PDE4D: variants seen among roughly 807,000 people sequenced by gnomAD.
PDE4D encodes the protein phosphodiesterase 4D, also known as 3',5'-cyclic-AMP phosphodiesterase 4D.
In PDE4D, 24 loss-of-function variants were observed where a neutral mutation model predicts 87.4. The observed-to-expected ratio is 0.27, with a 90% CI of 0.20 to 0.39. The LOEUF (loss-of-function observed/expected upper bound fraction) is 0.39, where lower values mean the gene tolerates loss of function less well. Among genes scored for constraint, PDE4D ranks in the 10% least tolerant of loss-of-function variants. PDE4D has a pLI of 1.00. For synonymous variants in PDE4D, 384 were observed against 383.2 expected (o/e 1.00, Z -0.02); for missense variants, 714 against 1,041.0 (o/e 0.69, Z 4.32).
At chr5:59,203,111 A>C (rs1747903559) in intron 2 of PDE4D, among the ~76,000 whole-genome samples, 1 of 152,178 alleles carries the variant, frequency 6.6e-6, no homozygotes, top group South Asian at 2.1e-4. Context: ...TAGGAGGCTG[A>C]GGTAGCAGGA....
At position 60,311,038 on chromosome 5, in the gene PDE4D, G is replaced by T. The variant is rs190677459; in HGVS notation, c.-89-125351C>A. Among the ~76,000 whole-genome samples the T allele has an allele frequency of 4.3e-3, 636 of 146,376 alleles. 4 individuals are homozygous for T. The highest frequency in any genetic ancestry group is 0.025 in the South Asian group (117 of 4,714). ...TAAGTCTTTTTTTTTTTTTTTTGAG[G>T]TGGAGTTTTGCTCTTGTTGCCCAGG... On this transcript the variant is annotated intron_variant, in intron 1 of 16. Transcript: ENST00000502484.
chr5:59,536,999 A>C (rs1815399108), intron 1 of PDE4D, among the ~76,000 whole-genome samples: 2 of 152,234 alleles, frequency 1.3e-5, no homozygotes, highest in Admixed American at 1.3e-4. Context: ...TGAAGTTTAC[A>C]GAAGATTTAA....
At position 59,904,634 on chromosome 5, in the gene PDE4D, G is replaced by T. The variant is rs547323561; in HGVS notation, c.272+83854C>A. ...GTACCACAATTCTCCCTTAAGATCT[G>T]AAGTAAATAAGACTTCAAAGAGGCT... On this transcript the variant is annotated intron_variant, in intron 3 of 16. Transcript: ENST00000502484. Among the ~76,000 whole-genome samples the T allele has an allele frequency of 7.9e-5, 12 of 152,220 alleles. No individual in the cohort carries two copies. In the South Asian group the frequency reaches 2.5e-3, roughly 32 times the overall value.
intron 2 of PDE4D, among the ~76,000 whole-genome samples, chr5:59,994,821 A>G (rs1763370487): frequency 6.6e-6 from 1 of 152,188 alleles, no homozygotes; most frequent in Non-Finnish European, 1.5e-5. Flanking sequence ...TTTTATGTGT[A>G]TATCTCTAAA....
chr5:60,505,976 C>T (rs968177457), intron 1 of PDE4D, among the ~76,000 whole-genome samples: 1 of 152,240 alleles, frequency 6.6e-6, no homozygotes, highest in Non-Finnish European at 1.5e-5. Flanking sequence ...ACAGCCAACA[C>T]AATTTGCATC....
chr5:60,497,335 G>A (rs533681583), intron 1 of PDE4D, among the ~76,000 whole-genome samples: 9 of 152,092 alleles, frequency 5.9e-5, no homozygotes, highest in African/African-American at 2.2e-4. Context: ...TAATTGGGGG[G>A]TTAGGTGTTA....
At chr5:59,995,321 CTTT>C (rs70975357) in intron 2 of PDE4D, among the ~76,000 whole-genome samples, 3 of 140,178 alleles carry the variant, frequency 2.1e-5, no homozygotes, top group East Asian at 2.1e-4. Context: ...TTCTTTCTTT[CTTT>C]TTTTTTTTTT....
intron 2 of PDE4D, among the ~76,000 whole-genome samples, chr5:59,211,062 T>C (rs554673538): frequency 1.3e-5 from 2 of 152,328 alleles, no homozygotes; most frequent in South Asian, 4.1e-4. Context: ...ATTTACGCTG[T>C]AATTTTCTTC....
At chr5:59,930,869 T>A (rs542768413) in intron 3 of PDE4D, among the ~76,000 whole-genome samples, 123 of 152,314 alleles carry the variant, frequency 8.1e-4, no homozygotes, top group Non-Finnish European at 1.4e-3. Flanking sequence ...CAAACAATAA[T>A]ATGCAGTGGT....
chr5:59,321,974 TA>T lies in PDE4D; in HGVS notation c.456-106007del, dbSNP rs550777538. Among the ~76,000 whole-genome samples, 106 of 152,210 alleles carry T rather than the reference TA, an allele frequency of 7.0e-4. 1 individual carries two copies. Among genetic ancestry groups the T allele is most frequent in the African/African-American group, 1.8e-3 (74 of 41,540 alleles). On this transcript the variant is annotated intron_variant, in intron 1 of 14. Coordinates refer to ENST00000340635, the MANE Select transcript of PDE4D (RefSeq NM_001104631.2). ...TATTTATGTATCCTTGATTCAGGAATAAAAAAATGGCTAAAATCTTTTGCTA... is the reference window on the plus strand; with the variant it reads ...TATTTATGTATCCTTGATTCAGGAATAAAAAATGGCTAAAATCTTTTGCTA...
At chr5:59,824,351 T>G (rs544514451) in intron 1 of PDE4D, among the ~76,000 whole-genome samples, 4 of 152,188 alleles carry the variant, frequency 2.6e-5, no homozygotes, top group African/African-American at 7.2e-5. Context: ...TCACGACACA[T>G]GCTGGTGGTT....
chr5:59,627,401 C>T (rs1246125943), intron 1 of PDE4D, among the ~76,000 whole-genome samples: 1 of 152,104 alleles, frequency 6.6e-6, no homozygotes, highest in Non-Finnish European at 1.5e-5. Flanking sequence ...TCTTACTATT[C>T]TTTTTCCAAA....
intron 1 of PDE4D, chr5:59,586,432 T>C: frequency 6.3e-7 from 1 of 1,591,076 alleles, no homozygotes; most frequent in South Asian, 1.2e-5. Context: ...CATGTAGTGA[T>C]TTTTACAGAT....
chr5:59,266,043 G>T (rs1440659217), intron 1 of PDE4D, among the ~76,000 whole-genome samples: 2 of 151,986 alleles, frequency 1.3e-5, no homozygotes, highest in Non-Finnish European at 2.9e-5. Flanking sequence ...TCACACATTT[G>T]CCTGACAGAC....
chr5:59,847,454 G>C (rs753490475), intron 1 of PDE4D, among the ~76,000 whole-genome samples: 1 of 152,040 alleles, frequency 6.6e-6, no homozygotes, highest in African/African-American at 2.4e-5. Context: ...GAGGTGTACG[G>C]GGAGGGTACC....
intron 1 of PDE4D, among the ~76,000 whole-genome samples, chr5:59,670,226 T>C (rs941080562): frequency 3.2e-4 from 49 of 152,326 alleles, no homozygotes; most frequent in African/African-American, 1.2e-3. Context: ...ACATATAAAA[T>C]GTTTAGAGTA....
chr5:59,768,275 G>C (rs757497506), intron 1 of PDE4D: 1 of 1,598,282 alleles, frequency 6.3e-7, no homozygotes, highest in East Asian at 2.2e-5. Flanking sequence ...AAACGCCGCT[G>C]TTTGGGGATG....
At position 59,893,709 on chromosome 5, in the gene PDE4D, C is replaced by T. The variant is rs1290816499; in HGVS notation, c.-87G>A. On this transcript the variant is annotated 5_prime_UTR_variant, in exon 1 of 15. Transcript: ENST00000340635. ...TTCCTGATGCTGCTGCTGCTGCTGC[C>T]GCCGCCGCCGCTTCTGCAGCCCAGC... 53 of 1,369,142 alleles carry T rather than the reference C, an allele frequency of 3.9e-5. No individual in the cohort carries two copies. The highest frequency in any genetic ancestry group is 6.2e-5 in the East Asian group (2 of 32,234). 84.8% of individuals were successfully genotyped at this position (1,369,142 alleles called of 1,614,324 possible).
intron 1 of PDE4D, among the ~76,000 whole-genome samples, chr5:59,711,673 TTCA>T (rs1754219432): frequency 6.6e-6 from 1 of 152,174 alleles, no homozygotes; most frequent in East Asian, 1.9e-4. Context: ...TCTTTATGCC[TTCA>T]TCATTTCCAA....
Sources: allele counts gnomAD v4.1 joint callset (sites outside exome capture counted in the v4.1 genomes callset), GRCh38; gene constraint gnomAD v4.1.1; transcripts MANE v1.5; gene names NCBI Gene and HGNC (gene_info 2026-07-23, HGNC 2026-07-21).